PDZD2: variants seen among roughly 807,000 people sequenced by gnomAD.
PDZD2 encodes PDZ domain containing 2, also known as PDZ domain-containing protein 2.
Under a neutral mutation model 220.7 loss-of-function variants are expected in PDZD2, and 90 were observed. The observed-to-expected ratio is 0.41, with a 90% confidence interval of 0.34 to 0.49. PDZD2 has a LOEUF of 0.49. Among genes scored for constraint, PDZD2 ranks in the 20% least tolerant of loss-of-function variants. The pLI, the probability that PDZD2 is intolerant of heterozygous loss-of-function variation, is 0.28. For synonymous variants in PDZD2, 1,375 were observed against 1,450.5 expected, an observed-to-expected ratio of 0.95 and a Z score of 1.18; for missense variants, 3,174 against 3,608.5, an observed-to-expected ratio of 0.88 and a Z score of 3.08.
At chr5:31,927,032 A>G (rs1744845054) in intron 2 of PDZD2, among the ~76,000 whole-genome samples, 1 of 152,232 alleles carries the variant, frequency 6.6e-6, no homozygotes, top group Non-Finnish European at 1.5e-5. Context: ...ATTCATAGAC[A>G]TAAATATGGC....
rs1757865779 is a variant in PDZD2, at chr5:31,849,937, T to TATATATATATAC, written c.476+50225_476+50236dup. Among the ~76,000 whole-genome samples the TATATATATATAC allele has an allele frequency of 9.4e-5, 2 of 21,278 alleles. 1 individual carries two copies. The highest frequency in any genetic ancestry group is 1.6e-4 in the Non-Finnish European group (2 of 12,776). 14.0% of individuals were successfully genotyped at this position (21,278 alleles called of 152,430 possible). ...ATATATACATATATATATATACACA[T>TATATATATATAC]ATATATATATACATATATATATATA... On this transcript the variant is annotated intron_variant, in intron 2 of 24. Coordinates refer to ENST00000438447, the MANE Select transcript of PDZD2 (RefSeq NM_178140.4).
intron 1 of PDZD2, among the ~76,000 whole-genome samples, chr5:31,701,851 G>T (rs1186069991): frequency 6.6e-6 from 1 of 152,210 alleles, no homozygotes; most frequent in Non-Finnish European, 1.5e-5. Context: ...AAGCTGGGGA[G>T]CCCAGATAAA....
At chr5:32,053,373 G>A (rs1738771115) in intron 9 of PDZD2, among the ~76,000 whole-genome samples, 1 of 152,128 alleles carries the variant, frequency 6.6e-6, no homozygotes, top group Non-Finnish European at 1.5e-5. Flanking sequence ...TATACAAAAT[G>A]GAAAGACTAA....
At chr5:32,020,713 C>T (rs939737421) in intron 6 of PDZD2, among the ~76,000 whole-genome samples, 1 of 150,500 alleles carries the variant, frequency 6.6e-6, no homozygotes, top group African/African-American at 2.4e-5. Context: ...GGCGCGATCT[C>T]GGCTCACTGC....
intron 2 of PDZD2, among the ~76,000 whole-genome samples, chr5:31,893,272 T>C (rs950707830): frequency 6.6e-6 from 1 of 152,092 alleles, no homozygotes; most frequent in African/African-American, 2.4e-5. Context: ...GTGGTTCGCA[T>C]TTAAAAACAA....
At position 32,109,303 on chromosome 5, in the gene PDZD2, T is replaced by TAA. The variant is rs1581522214; in HGVS notation, c.*1169_*1170dup. The TAA allele has an allele frequency of 6.7e-6, 1 of 148,384 alleles. No homozygotes were observed. The highest frequency in any genetic ancestry group is 1.5e-5 in the Non-Finnish European group (1 of 67,646). The allele number at this position is 148,384 out of a possible 1,614,324, so 9.2% of individuals were successfully genotyped here. On this transcript the variant is annotated 3_prime_UTR_variant, in exon 25 of 25. Transcript: ENST00000438447. ...TAGTATAATGACAACTGCAGTGACT[T>TAA]AAGTTTTTGCTGTTTTCGTTTTCCC...
At chr5:31,999,903 G>A (rs1450984266) in intron 4 of PDZD2, among the ~76,000 whole-genome samples, 2 of 152,314 alleles carry the variant, frequency 1.3e-5, no homozygotes, top group East Asian at 3.9e-4. Context: ...GTAGGCCGGT[G>A]ACCTTAATGT....
At chr5:31,651,266 T>C (rs1340608705) in intron 1 of PDZD2, among the ~76,000 whole-genome samples, 1 of 152,080 alleles carries the variant, frequency 6.6e-6, no homozygotes, top group African/African-American at 2.4e-5. Context: ...CAAATATAGC[T>C]GCTCTCCTGC....
At chr5:31,933,518 C>A (rs1337711154) in intron 2 of PDZD2, among the ~76,000 whole-genome samples, 1 of 152,076 alleles carries the variant, frequency 6.6e-6, no homozygotes, top group Non-Finnish European at 1.5e-5. Context: ...CTCTTTGTTA[C>A]CTTTCTGTTT....
intron 1 of PDZD2, among the ~76,000 whole-genome samples, chr5:31,693,979 G>A (rs79461720): frequency 0.015 from 2,289 of 152,234 alleles, 70 homozygotes; most frequent in African/African-American, 0.051. Flanking sequence ...TTTTTGAAAT[G>A]GATCATCATT....
chr5:32,105,012 A>G (rs1744624389), intron 24 of PDZD2, among the ~76,000 whole-genome samples: 1 of 151,532 alleles, frequency 6.6e-6, no homozygotes, highest in South Asian at 2.1e-4. Context: ...GCACGCACCT[A>G]TAGTCCCAGC....
rs139568563 is a variant in PDZD2, at chr5:31,856,642, G to A, written c.476+56918G>A. ...AGCGGCGCACCTGGCACGTAGTAGC[G>A]CTTCCCTTGAGCCTCTGTTCCTGCT... is the stretch of plus-strand genomic sequence containing the variant. On this transcript the variant is annotated intron_variant, in intron 2 of 24. Transcript: ENST00000438447. 6.5e-3 allele frequency among the ~76,000 whole-genome samples: 993 copies of A among 152,208 alleles called. 7 individuals are homozygous for A. Among genetic ancestry groups the A allele is most frequent in the Non-Finnish European group, 7.8e-3 (530 of 68,020 alleles).
chr5:31,827,583 C>T (rs1357280390), intron 2 of PDZD2, among the ~76,000 whole-genome samples: 1 of 151,840 alleles, frequency 6.6e-6, no homozygotes, highest in African/African-American at 2.4e-5. Flanking sequence ...ATCTCAGCTA[C>T]TCAGGAGGCT....
intron 2 of PDZD2, among the ~76,000 whole-genome samples, chr5:31,817,506 G>A (rs1755543333): frequency 6.6e-6 from 1 of 151,678 alleles, no homozygotes; most frequent in Non-Finnish European, 1.5e-5. Context: ...AAAAAAAAAA[G>A]TAGCACCCAT....
chr5:31,850,243 T>TATATATATATATATATATATATAC (rs577432352), intron 2 of PDZD2, among the ~76,000 whole-genome samples: 1 of 122,228 alleles, frequency 8.2e-6, no homozygotes, highest in African/African-American at 3.0e-5. Flanking sequence ...TATATATATA[T>TATATATATATATATATATATATAC]ACACACACAC....
intron 2 of PDZD2, among the ~76,000 whole-genome samples, chr5:31,866,643 C>A (rs956394720): frequency 6.6e-6 from 1 of 152,210 alleles, no homozygotes; most frequent in Non-Finnish European, 1.5e-5. Context: ...TGCCAGCTGA[C>A]CTCATGTTGG....
Position 31,812,987 on chromosome 5 carries a change from T to A in PDZD2, c.476+13263T>A, listed in dbSNP as rs141777682. 1.6e-3 allele frequency among the ~76,000 whole-genome samples: 243 copies of A among 152,298 alleles called. 2 individuals are homozygous for A. Among genetic ancestry groups the A allele is most frequent in the East Asian group, 0.014 (71 of 5,182 alleles). ...TAGTTATGAAGTAAAACAGTGACAA[T>A]CTATGTAGACTGAGAAGTCAGACAA... is the stretch of plus-strand genomic sequence containing the variant. On this transcript the variant is annotated intron_variant, in intron 2 of 24. Coordinates refer to ENST00000438447, the MANE Select transcript of PDZD2 (RefSeq NM_178140.4).
intron 5 of PDZD2, among the ~76,000 whole-genome samples, chr5:32,002,551 G>A (rs1323668785): frequency 6.6e-6 from 1 of 151,560 alleles, no homozygotes; most frequent in African/African-American, 2.4e-5. Flanking sequence ...GAGCCTGAAA[G>A]CATCTTTGGG....
At position 32,073,800 on chromosome 5, in the gene PDZD2, T is replaced by C. The variant is rs761629551; in HGVS notation, c.2726-32T>C. On this transcript the variant is annotated intron_variant, in intron 17 of 24. Transcript: ENST00000438447. ...ACAGGGCCAAGTGGGAAGCTCAATT[T>C]CACTTGACTTTTCTGTCCCCACCTC... 9.4e-6 allele frequency: 14 copies of C among 1,482,052 alleles called. No homozygotes were observed. In the South Asian group the frequency reaches 1.6e-4, roughly 17 times the overall value. 91.8% of individuals were successfully genotyped at this position (1,482,052 alleles called of 1,614,324 possible).
Sources: allele counts gnomAD v4.1 joint callset (sites outside exome capture counted in the v4.1 genomes callset), GRCh38; gene constraint gnomAD v4.1.1; transcripts MANE v1.5; gene names NCBI Gene and HGNC (gene_info 2026-07-23, HGNC 2026-07-21).